Variants in ARL5C observed in about 807,000 individuals in gnomAD.
ARL5C encodes the protein ARF like GTPase 5C.
Under a neutral mutation model 20.8 loss-of-function variants are expected in ARL5C, and 21 were observed. The observed-to-expected ratio is 1.01, with a 90% confidence interval of 0.72 to 1.46. The LOEUF (loss-of-function observed/expected upper bound fraction) is 1.46. Ranked by LOEUF, ARL5C falls within the 40% of genes most tolerant of loss-of-function variation. ARL5C has a pLI of 0.00. For missense variants in ARL5C, 199 were observed against 225.1 expected, an observed-to-expected ratio of 0.88 and a Z score of 0.74; for synonymous variants, 71 against 81.6, an observed-to-expected ratio of 0.87 and a Z score of 0.70.
At chr17:39,164,939 T>A (rs2045455100) in intron 2 of ARL5C, 140 bp downstream of exon 2, 2 of 804,516 alleles carry the variant, frequency 2.5e-6, no homozygotes, top group Admixed American at 2.2e-5. Flanking sequence ...ACTAGGAAGG[T>A]CCAAGCAGCG....
Position 39,165,209 on chromosome 17 carries a change from G to A in ARL5C, c.47-70C>T. 3 of 1,471,602 alleles carry A rather than the reference G, an allele frequency of 2.0e-6. No individual in the cohort carries two copies. In the South Asian group the frequency reaches 3.6e-5, roughly 18 times the overall value. The allele number at this position is 1,471,602 out of a possible 1,614,324, so 91.2% of individuals were successfully genotyped here. ...ACCAAGGGACTGTGTGCCCCCACCA[G>A]ACCTCCCAGGAAGGAGATAGCGCTC... On this transcript the variant is annotated intron_variant, in intron 1 of 5. Coordinates refer to ENST00000269586, the MANE Select transcript of ARL5C (RefSeq NM_001143968.1).
At chr17:39,162,362 G>A (rs952322659) in intron 3 of ARL5C, among the ~76,000 whole-genome samples, 5 of 152,194 alleles carry the variant, frequency 3.3e-5, no homozygotes, top group South Asian at 2.1e-4. Context: ...TTGCAATGGC[G>A]TGATCTCGGC....
At chr17:39,157,969 AC>A (rs2045414019) in intron 5 of ARL5C, among the ~76,000 whole-genome samples, 2 of 151,668 alleles carry the variant, frequency 1.3e-5, no homozygotes, top group Non-Finnish European at 2.9e-5. Flanking sequence ...GTGGTGGCTC[AC>A]GCCTGTAATC....
downstream of ARL5C, among the ~76,000 whole-genome samples, chr17:39,156,741 C>T (rs148545982): frequency 6.6e-6 from 1 of 152,378 alleles, no homozygotes; most frequent in East Asian, 1.9e-4. Context: ...AGCTTCTCAG[C>T]AACGGGTTGG....
At chr17:39,165,628 C>A in intron 1 of ARL5C, 87 bp downstream of exon 1, 3 of 1,505,016 alleles carry the variant, frequency 2.0e-6, no homozygotes, top group Non-Finnish European at 2.7e-6. Context: ...AGCCCGAGGT[C>A]CCCCCGTGCG....
chr17:39,160,710 G>C lies in ARL5C; in HGVS notation c.372C>G (p.Ala124=). ...ALQDASVLIF[A]NKQDVKDSMR... ...TGGAGTCCTTCACGTCCTGCTTATT[G>C]GCAAATATCAGGACTGAAGCATCCT... The change falls in exon 5 of 6, where the codon GCC becomes GCG. Residue 124 remains alanine, a synonymous_variant. Transcript: ENST00000269586. The C allele has an allele frequency of 6.4e-7, 1 of 1,551,796 alleles. No homozygotes were observed.
chr17:39,158,781 G>T (rs1165051069), intron 5 of ARL5C, among the ~76,000 whole-genome samples: 1 of 151,896 alleles, frequency 6.6e-6, no homozygotes, highest in South Asian at 2.1e-4. Flanking sequence ...AGTGTCCCTT[G>T]TCAGATAACT....
intron 2 of ARL5C, 179 bp downstream of exon 2, chr17:39,164,900 A>T: frequency 1.6e-6 from 1 of 622,198 alleles, no homozygotes; most frequent in Non-Finnish European, 2.8e-6. Flanking sequence ...ACGGTGCAGG[A>T]TTTGAATGCC....
In ARL5C at chr17:39,165,776, G is replaced by A. The variant is rs1442513344; in HGVS notation, c.-16C>T. On this transcript the variant is annotated 5_prime_UTR_variant, in exon 1 of 6. Transcript: ENST00000269586. ...GCTGTCCCATGGCACTTCCCGGGCC[G>A]GACAGGTGCAGGAGGGCTCAGCGGC... is the stretch of plus-strand genomic sequence containing the variant. 5 of 1,551,734 alleles carry A rather than the reference G, an allele frequency of 3.2e-6. No homozygotes were observed. The highest frequency in any genetic ancestry group is 1.7e-4 in the Middle Eastern group (1 of 5,992).
At position 39,165,918 on chromosome 17, in the gene ARL5C, C is replaced by G; in HGVS notation, c.-158G>C. Reference sequence around the variant, plus strand: ...GTCACCAACCTGACCTGGGAACCCTCTGGGACGCTGGCCCTTCGTGGGCAC... The same window carrying G: ...GTCACCAACCTGACCTGGGAACCCTGTGGGACGCTGGCCCTTCGTGGGCAC... On this transcript the variant is annotated 5_prime_UTR_variant, in exon 1 of 6. Coordinates refer to ENST00000269586, the MANE Select transcript of ARL5C (RefSeq NM_001143968.1). 1.3e-6 allele frequency: 1 copy of G among 795,562 alleles called. No individual in the cohort carries two copies. Among genetic ancestry groups the G allele is most frequent in the Non-Finnish European group, 2.0e-6 (1 of 497,946 alleles). 49.3% of individuals were successfully genotyped at this position (795,562 alleles called of 1,614,324 possible). A position where few individuals can be genotyped will look rare whatever the true frequency, so the allele number is the denominator to read the frequency against.
intron 5 of ARL5C, 41 bp from the exon 6 acceptor site, chr17:39,156,983 G>C: frequency 1.9e-6 from 3 of 1,549,606 alleles, no homozygotes; most frequent in Non-Finnish European, 2.6e-6. Flanking sequence ...CCTAACCCAA[G>C]AGAATGATGG....
intron 3 of ARL5C, among the ~76,000 whole-genome samples, chr17:39,161,954 C>T (rs1301084627): frequency 1.3e-5 from 2 of 152,114 alleles, no homozygotes; most frequent in Non-Finnish European, 2.9e-5. Context: ...TGTTAGTATC[C>T]CCATTTTACA....
intron 1 of ARL5C, chr17:39,165,340 C>A (rs1285074502): frequency 1.8e-5 from 11 of 610,616 alleles, no homozygotes; most frequent in Non-Finnish European, 5.8e-6. Flanking sequence ...GCCCCCACCT[C>A]CCTTCACATT....
At chr17:39,157,733 T>C (rs1198401863) in intron 5 of ARL5C, among the ~76,000 whole-genome samples, 2 of 150,004 alleles carry the variant, frequency 1.3e-5, no homozygotes, top group South Asian at 2.1e-4. Context: ...GAGGTTGCAG[T>C]GAGCTGAGAT....
At chr17:39,165,330 GC>G in intron 1 of ARL5C, 191 bp from the exon 2 acceptor site, 1 of 619,896 alleles carries the variant, frequency 1.6e-6, no homozygotes, top group South Asian at 1.9e-5. Context: ...AGACAGCTGA[GC>G]CCCCACCTCC....
At chr17:39,161,419 C>G (rs511163) in intron 3 of ARL5C, 68 bp from the exon 4 acceptor site, 1,143,581 of 1,452,666 alleles carry the variant, frequency 0.79, 452,374 homozygotes, top group African/African-American at 0.96. Flanking sequence ...TGCCCTCTTT[C>G]TTTCCCCACT....
intron 2 of ARL5C, among the ~76,000 whole-genome samples, chr17:39,163,345 CCTTTCTTTCTTTCTTTCTTTCTTT>C (rs57401429): frequency 0.036 from 4,988 of 136,852 alleles, 244 homozygotes; most frequent in African/African-American, 0.11. Flanking sequence ...CAGGCTTTTG[CCTTTCTTTCTTTCTTTCTTTCTTT>C]CTTTCTTTCT....
intron 5 of ARL5C, among the ~76,000 whole-genome samples, chr17:39,159,297 CTTTT>C (rs71141776): frequency 2.7e-5 from 3 of 111,818 alleles, no homozygotes; most frequent in Non-Finnish European, 3.7e-5. Flanking sequence ...TTCTTTCTTT[CTTTT>C]TTTTTTTTTT....
rs2045457390 is a variant in ARL5C at position 39,165,316 on chromosome 17, G to C, written c.47-177C>G. The C allele has an allele frequency of 7.8e-6, 5 of 640,248 alleles. No individual in the cohort carries two copies. In the Admixed American group the frequency reaches 1.4e-4, roughly 18 times the overall value. The allele number at this position is 640,248 out of a possible 1,614,324, so 39.7% of individuals were successfully genotyped here. On this transcript the variant is annotated intron_variant, in intron 1 of 5. Coordinates refer to ENST00000269586, the MANE Select transcript of ARL5C (RefSeq NM_001143968.1). ...ACACCTGCCCCACTCCGGGACGGTG[G>C]AAAAGACAGCTGAGCCCCCACCTCC...
Sources: gnomAD v4.1 joint callset for allele counts (sites outside exome capture counted in the v4.1 genomes callset) on GRCh38, gnomAD v4.1.1 for gene constraint, MANE v1.5 for transcripts, NCBI Gene and HGNC (gene_info 2026-07-23, HGNC 2026-07-21) for gene names.